PRKX: variants seen among roughly 807,000 people sequenced by gnomAD.
PRKX encodes the protein cAMP-dependent protein kinase catalytic subunit PRKX.
PRKX carries 12 observed loss-of-function variants against 22.0 expected under a neutral mutation model. The ratio of observed to expected loss-of-function variants is 0.54; its 90% CI spans 0.35 to 0.88. The LOEUF is 0.88. PRKX is among the 40% of genes least tolerant of loss of function. The pLI, the probability that PRKX is intolerant of heterozygous loss-of-function variation, is 0.01. For missense variants in PRKX, 217 were observed against 308.0 expected, an observed-to-expected ratio of 0.70 and a Z score of 2.21; for synonymous variants, 134 against 137.7, an observed-to-expected ratio of 0.97 and a Z score of 0.19.
intron 1 of PRKX, among the ~76,000 whole-genome samples, chrX:3,686,849 G>A (rs1928189565): frequency 9.0e-6 from 1 of 111,666 alleles, no homozygotes; most frequent in South Asian, 3.7e-4. Flanking sequence ...GAGCCATCAC[G>A]CAGACCAAAT....
intron 4 of PRKX, among the ~76,000 whole-genome samples, chrX:3,630,170 A>G (rs1015732677): frequency 6.2e-5 from 7 of 112,552 alleles, no homozygotes; most frequent in African/African-American, 3.2e-5. Context: ...AAAACTGCAA[A>G]GACCAAGATA....
At chrX:3,621,836 A>G (rs1926564113) in intron 5 of PRKX, among the ~76,000 whole-genome samples, 1 of 111,588 alleles carries the variant, frequency 9.0e-6, no homozygotes, top group Non-Finnish European at 1.9e-5. Flanking sequence ...AGACCATGTC[A>G]GAAGTACAGC....
rs181390874 is a variant in PRKX at position 3,629,096 on chromosome X, C to T, written c.720-2582G>A. On this transcript the variant is annotated intron_variant, in intron 4 of 8. Transcript: ENST00000262848. ...AATAAAGTTTACAGTGGTGAATACG[C>T]CACTATGGCCAAGAACAGGACACCT... 8.9e-5 allele frequency among the ~76,000 whole-genome samples: 10 copies of T among 112,178 alleles called. No homozygotes were observed. In the Admixed American group the frequency reaches 9.5e-4, roughly 11 times the overall value.
chrX:3,697,269 G>A (rs1038748752), intron 1 of PRKX, among the ~76,000 whole-genome samples: 3 of 110,788 alleles, frequency 2.7e-5, no homozygotes, highest in Non-Finnish European at 5.7e-5. Context: ...GGGAAGGCGC[G>A]GCACGAGGAC....
intron 6 of PRKX, among the ~76,000 whole-genome samples, chrX:3,617,380 C>A (rs1926450023): frequency 9.1e-6 from 1 of 109,410 alleles, no homozygotes; most frequent in African/African-American, 3.3e-5. Flanking sequence ...AGCAGTGGCT[C>A]ACGTTTATAT....
chrX:3,656,134 G>T (rs1927476195), intron 2 of PRKX, among the ~76,000 whole-genome samples: 1 of 112,119 alleles, frequency 8.9e-6, no homozygotes, highest in African/African-American at 3.2e-5. Flanking sequence ...TTAGAATATG[G>T]ATAGAGATCA....
chrX:3,616,375 C>T (rs1350254078), intron 6 of PRKX, among the ~76,000 whole-genome samples: 1 of 111,200 alleles, frequency 9.0e-6, no homozygotes, highest in Non-Finnish European at 1.9e-5. Flanking sequence ...ACCTTAGGAA[C>T]GACATTGCAC....
intron 2 of PRKX, among the ~76,000 whole-genome samples, chrX:3,663,888 C>G (rs1185073248): frequency 1.8e-5 from 2 of 111,209 alleles, no homozygotes; most frequent in Admixed American, 1.9e-4. Context: ...TGTAGCTTGG[C>G]AGGCTGAAGG....
chrX:3,691,433 G>A (rs184670815), intron 1 of PRKX, among the ~76,000 whole-genome samples: 77 of 21,641 alleles, frequency 3.6e-3, no homozygotes, highest in East Asian at 0.02. Context: ...CCCCCGCCCC[G>A]GGGGAGTGGG....
chrX:3,646,814 T>C (rs1927197725), intron 3 of PRKX, among the ~76,000 whole-genome samples: 1 of 110,709 alleles, frequency 9.0e-6, no homozygotes, highest in Non-Finnish European at 1.9e-5. Context: ...TGGGACAGCT[T>C]CCGATGGCCA....
chrX:3,710,939 C>T (rs772940076), intron 1 of PRKX, among the ~76,000 whole-genome samples: 2 of 111,761 alleles, frequency 1.8e-5, no homozygotes, highest in Non-Finnish European at 3.8e-5. Flanking sequence ...TTCTCCATCA[C>T]GCCTTGGAAA....
chrX:3,657,599 C>T (rs947549154), intron 2 of PRKX, among the ~76,000 whole-genome samples: 9 of 112,557 alleles, frequency 8.0e-5, no homozygotes, highest in Non-Finnish European at 1.7e-4. Flanking sequence ...TCAGAGATCA[C>T]ACCTGATTCA....
intron 2 of PRKX, among the ~76,000 whole-genome samples, chrX:3,667,082 C>T (rs915114203): frequency 3.6e-5 from 4 of 111,096 alleles, no homozygotes; most frequent in African/African-American, 6.5e-5. Flanking sequence ...TCGTCAACAA[C>T]GACTGAGACA....
chrX:3,680,446 A>G lies in PRKX; in HGVS notation c.167-5680T>C, dbSNP rs780509035. On this transcript the variant is annotated intron_variant, in intron 1 of 8. Coordinates refer to ENST00000262848, the MANE Select transcript of PRKX (RefSeq NM_005044.5). ...GGCATGAGCCACTGCACCTGGCCAC[A>G]TCCCAGCTTTCTGTCTGGAGGGATG... Among the ~76,000 whole-genome samples, 14 of 111,143 alleles carry G rather than the reference A, an allele frequency of 1.3e-4. No homozygotes were observed. The East Asian group carries it at 4.0e-3, about 32-fold the overall frequency.
chrX:3,684,205 T>C (rs1182527708), intron 1 of PRKX, among the ~76,000 whole-genome samples: 1 of 111,495 alleles, frequency 9.0e-6, no homozygotes, highest in Non-Finnish European at 1.9e-5. Context: ...TGAGCCAAGA[T>C]TGCGCCACTG....
rs1240425431 is a variant in PRKX at position 3,604,431 on chromosome X, TAGAC to T, written c.*4534_*4537del. On this transcript the variant is annotated 3_prime_UTR_variant, in exon 9 of 9. Transcript: ENST00000262848. ...GAATCAACAGTATTATTACATAAAT[TAGAC>T]AGCAGTAAAATTTTCCTAGGGCATA... 2 of 112,928 alleles carry T rather than the reference TAGAC, an allele frequency of 1.8e-5. No individual in the cohort carries two copies. The highest frequency in any genetic ancestry group is 3.2e-5 in the African/African-American group (1 of 31,022). The allele number at this position is 112,928 out of a possible 1,213,427, so 9.3% of individuals were successfully genotyped here.
chrX:3,700,802 A>G (rs1394438685), intron 1 of PRKX, among the ~76,000 whole-genome samples: 2 of 110,449 alleles, frequency 1.8e-5, no homozygotes, highest in Non-Finnish European at 3.8e-5. Flanking sequence ...CATGTTGCCG[A>G]GGCTAGAGGC....
Position 3,713,577 on chromosome X carries a change from C to A in PRKX, c.-324G>T. ...GGGCGAGGCGGGGGCCCTGCGCATT[C>A]CGGGTCTCGCGCCCGCCGCCTCCTC... On this transcript the variant is annotated 5_prime_UTR_variant, in exon 1 of 9. Coordinates refer to ENST00000262848, the MANE Select transcript of PRKX (RefSeq NM_005044.5). The A allele has an allele frequency of 6.1e-6, 1 of 163,531 alleles. No individual in the cohort carries two copies. The highest frequency in any genetic ancestry group is 8.1e-5 in the Admixed American group (1 of 12,284). The allele number at this position is 163,531 out of a possible 1,213,427, so 13.5% of individuals were successfully genotyped here. A position where few individuals can be genotyped will look rare whatever the true frequency, so the allele number is the denominator to read the frequency against.
At chrX:3,693,919 A>T (rs762499444) in intron 1 of PRKX, among the ~76,000 whole-genome samples, 1 of 98,534 alleles carries the variant, frequency 1.0e-5, no homozygotes, top group East Asian at 3.2e-4. Context: ...CAGCCTGGAC[A>T]ACAGAGGGAG....
Sources: allele counts gnomAD v4.1 joint callset (sites outside exome capture counted in the v4.1 genomes callset), GRCh38; gene constraint gnomAD v4.1.1; transcripts MANE v1.5; gene names NCBI Gene and HGNC (gene_info 2026-07-23, HGNC 2026-07-21).